TIA1: variants seen among roughly 807,000 people sequenced by gnomAD.
TIA1 encodes cytotoxic granule associated RNA binding protein TIA1.
A neutral mutation model predicts 65.9 loss-of-function variants in TIA1; 23 were observed. The observed-to-expected ratio is 0.35, with a 90% CI of 0.25 to 0.49. The LOEUF (loss-of-function observed/expected upper bound fraction) is 0.49. TIA1 is among the 20% of genes least tolerant of loss of function. The pLI, the probability that TIA1 is intolerant of heterozygous loss-of-function variation, is 0.98. For synonymous variants in TIA1, 147 were observed against 149.4 expected (o/e 0.98, Z 0.12); for missense variants, 371 against 477.9 (o/e 0.78, Z 2.09).
intron 11 of TIA1, among the ~76,000 whole-genome samples, chr2:70,214,878 T>A (rs1418932489): frequency 6.6e-6 from 1 of 152,224 alleles, no homozygotes; most frequent in African/African-American, 2.4e-5. Flanking sequence ...GACACTTATA[T>A]AGTTTAGGAT....
At chr2:70,229,843 CAGA>C (rs899703559) in intron 3 of TIA1, among the ~76,000 whole-genome samples, 2 of 151,680 alleles carry the variant, frequency 1.3e-5, no homozygotes, top group Non-Finnish European at 2.9e-5. Context: ...GAGGCTGAAG[CAGA>C]AGAATTGCTT....
At chr2:70,215,715 T>A (rs551741402) in intron 10 of TIA1, 18 of 478,300 alleles carry the variant, frequency 3.8e-5, no homozygotes, top group Non-Finnish European at 6.6e-5. Context: ...AGCTATAAAA[T>A]CACAGAGGCA....
At chr2:70,234,737 T>C (rs1255922896) in intron 2 of TIA1, among the ~76,000 whole-genome samples, 1 of 152,146 alleles carries the variant, frequency 6.6e-6, no homozygotes, top group Non-Finnish European at 1.5e-5. Flanking sequence ...AATTTTGGTA[T>C]TTTTAGTAGA....
At chr2:70,243,172 T>C (rs1402680840) in intron 1 of TIA1, among the ~76,000 whole-genome samples, 1 of 152,132 alleles carries the variant, frequency 6.6e-6, no homozygotes, top group Admixed American at 6.5e-5. Context: ...CTCACACCTA[T>C]AATCCCACTT....
intron 7 of TIA1, chr2:70,224,330 T>TA: frequency 1.9e-6 from 1 of 533,592 alleles, no homozygotes; most frequent in Non-Finnish European, 3.2e-6. Context: ...GCTGATAATT[T>TA]AAACAACTTT....
rs1159931723 is a variant in TIA1 at position 70,209,669 on chromosome 2, C to T, written c.*3050G>A. ...TCCTTCTAGGAGTTGTTTATCCCTGCTCATGCTTAAGATTGACGATTTCGT... is the reference window on the plus strand; with the variant it reads ...TCCTTCTAGGAGTTGTTTATCCCTGTTCATGCTTAAGATTGACGATTTCGT... On this transcript the variant is annotated 3_prime_UTR_variant, in exon 13 of 13. Coordinates refer to ENST00000433529, the MANE Select transcript of TIA1 (RefSeq NM_022173.4). 1 of 398,200 alleles carries T rather than the reference C, an allele frequency of 2.5e-6. No homozygotes were observed. Among genetic ancestry groups the T allele is most frequent in the Non-Finnish European group, 4.4e-6 (1 of 225,952 alleles). 24.7% of individuals were successfully genotyped at this position (398,200 alleles called of 1,614,324 possible). A position where few individuals can be genotyped will look rare whatever the true frequency, so the allele number is the denominator to read the frequency against.
Position 70,227,833 on chromosome 2 carries a change from G to A in TIA1, c.311-11C>T, listed in dbSNP as rs752020597. On this transcript the variant is annotated splice_polypyrimidine_tract_variant and intron_variant, in intron 5 of 12. Coordinates refer to ENST00000433529, the MANE Select transcript of TIA1 (RefSeq NM_022173.4). ...AGACATGGAAATGATCTTATAAGGG[G>A]AAGGAAGGGGAAGTGAAAAGAAAAA... 2 of 1,557,520 alleles carry A rather than the reference G, an allele frequency of 1.3e-6. No individual in the cohort carries two copies. Among genetic ancestry groups the A allele is most frequent in the Admixed American group, 1.8e-5 (1 of 55,440 alleles).
intron 1 of TIA1, among the ~76,000 whole-genome samples, chr2:70,241,436 G>C (rs1691673951): frequency 6.6e-6 from 1 of 151,794 alleles, no homozygotes; most frequent in East Asian, 1.9e-4. Flanking sequence ...GCGAGACTCT[G>C]TCTTAAAAAA....
chr2:70,238,947 T>C (rs577935396), intron 1 of TIA1, among the ~76,000 whole-genome samples: 18 of 152,216 alleles, frequency 1.2e-4, no homozygotes, highest in Non-Finnish European at 2.1e-4. Flanking sequence ...TCCCATGGCA[T>C]GGTCCCAGCT....
At chr2:70,232,867 C>CAA (rs879641306) in intron 2 of TIA1, among the ~76,000 whole-genome samples, 1 of 133,104 alleles carries the variant, frequency 7.5e-6, no homozygotes, top group African/African-American at 2.7e-5. Context: ...GACTCTGTCT[C>CAA]AAAAAAAAAA....
At chr2:70,215,117 T>G in intron 11 of TIA1, 2 of 423,226 alleles carry the variant, frequency 4.7e-6, no homozygotes, top group South Asian at 6.2e-5. Flanking sequence ...TAAAAAAAGA[T>G]GTAATACCCT....
chr2:70,218,780 TAGTA>T (rs1344449210), intron 7 of TIA1, among the ~76,000 whole-genome samples: 1 of 152,092 alleles, frequency 6.6e-6, no homozygotes, highest in Non-Finnish European at 1.5e-5. Context: ...GGATAATGGG[TAGTA>T]AGGGGATAAA....
At chr2:70,224,391 C>T (rs1015654581) in intron 7 of TIA1, 163 bp downstream of exon 7, 18 of 945,058 alleles carry the variant, frequency 1.9e-5, no homozygotes, top group Non-Finnish European at 2.8e-5. Context: ...GCCTCAGGTG[C>T]CAATAAATGT....
intron 1 of TIA1, among the ~76,000 whole-genome samples, chr2:70,242,847 G>A (rs976005255): frequency 5.9e-5 from 9 of 152,030 alleles, no homozygotes; most frequent in Admixed American, 1.3e-4. Flanking sequence ...AATGCCTGAT[G>A]CTCTGAGGTG....
rs367908555 is a variant in TIA1 at position 70,212,671 on chromosome 2, C to T, written c.*48G>A. 2 of 1,153,090 alleles carry T rather than the reference C, an allele frequency of 1.7e-6. No homozygotes were observed. The highest frequency in any genetic ancestry group is 2.6e-6 in the Non-Finnish European group (2 of 759,692). The allele number at this position is 1,153,090 out of a possible 1,614,324, so 71.4% of individuals were successfully genotyped here. A position where few individuals can be genotyped will look rare whatever the true frequency, so the allele number is the denominator to read the frequency against. The stretch of plus-strand genomic sequence containing the variant: ...CTTTAAGTAAACAACGGCTTTACTA[C>T]ACTCCCTGTAGCCTCAAGCCACTGG... On this transcript the variant is annotated 3_prime_UTR_variant, in exon 13 of 13. Coordinates refer to ENST00000433529, the MANE Select transcript of TIA1 (RefSeq NM_022173.4).
At chr2:70,245,317 T>A (rs1443243973) in intron 1 of TIA1, among the ~76,000 whole-genome samples, 1 of 152,252 alleles carries the variant, frequency 6.6e-6, no homozygotes, top group Non-Finnish European at 1.5e-5. Flanking sequence ...GGTCTATAAT[T>A]TACAGATCTG....
intron 12 of TIA1, among the ~76,000 whole-genome samples, chr2:70,213,543 T>C (rs1677221199): frequency 1.3e-5 from 2 of 151,984 alleles, no homozygotes; most frequent in Non-Finnish European, 2.9e-5. Flanking sequence ...GAGATGAGAT[T>C]TCGCCATGTT....
In TIA1 at chr2:70,230,665, A is replaced by G. The variant is rs1685862662; in HGVS notation, c.222+91T>C. On this transcript the variant is annotated intron_variant, in intron 3 of 12. Transcript: ENST00000433529. The stretch of plus-strand genomic sequence containing the variant: ...AAAATTTCATCTCAAAAAAAAAAAA[A>G]AAGTGTTTAATGTTTCTAAAAAGGA... 1.4e-5 allele frequency: 15 copies of G among 1,067,608 alleles called. No homozygotes were observed. The South Asian group carries it at 2.5e-4, about 18-fold the overall frequency. The allele number at this position is 1,067,608 out of a possible 1,614,324, so 66.1% of individuals were successfully genotyped here. A position where few individuals can be genotyped will look rare whatever the true frequency, so the allele number is the denominator to read the frequency against.
At chr2:70,237,209 C>CT (rs1299822205) in intron 1 of TIA1, among the ~76,000 whole-genome samples, 3 of 152,028 alleles carry the variant, frequency 2.0e-5, no homozygotes, top group African/African-American at 7.2e-5. Context: ...TGAGACCAGC[C>CT]TGGTAAACAT....
Sources: allele counts gnomAD v4.1 joint callset (sites outside exome capture counted in the v4.1 genomes callset), GRCh38; gene constraint gnomAD v4.1.1; transcripts MANE v1.5; gene names NCBI Gene and HGNC (gene_info 2026-07-23, HGNC 2026-07-21).